ST8SIA6: variants seen among roughly 807,000 people sequenced by gnomAD.
The protein encoded by ST8SIA6 is ST8 alpha-N-acetyl-neuraminide alpha-2,8-sialyltransferase 6.
ST8SIA6 carries 39 observed loss-of-function variants against 33.6 expected under a neutral mutation model. The observed-to-expected ratio is 1.16, with a 90% CI of 0.90 to 1.52. The LOEUF (loss-of-function observed/expected upper bound fraction) is 1.52. Among genes scored for constraint, ST8SIA6 ranks in the 40% most tolerant of loss-of-function variants. The pLI is 0.00. For missense variants in ST8SIA6, 441 were observed against 443.8 expected, an observed-to-expected ratio of 0.99 and a Z score of 0.06; for synonymous variants, 172 against 167.2, an observed-to-expected ratio of 1.03 and a Z score of -0.22.
intron 3 of ST8SIA6, among the ~76,000 whole-genome samples, chr10:17,362,310 A>G (rs1001466942): frequency 1.3e-5 from 2 of 152,224 alleles, no homozygotes; most frequent in Non-Finnish European, 2.9e-5. Flanking sequence ...GTTGAAGTTC[A>G]TTGAACATTA....
intron 2 of ST8SIA6, among the ~76,000 whole-genome samples, chr10:17,448,895 C>G (rs1376481267): frequency 6.7e-6 from 1 of 150,358 alleles, no homozygotes; most frequent in East Asian, 2.0e-4. Context: ...GCTGGGATTA[C>G]AGGCGTGAGC....
intron 2 of ST8SIA6, 101 bp from the exon 3 acceptor site, chr10:17,390,721 G>T: frequency 1.1e-6 from 1 of 907,698 alleles, no homozygotes; most frequent in Admixed American, 2.3e-5. Context: ...GTGTCCAAAT[G>T]AAGTCTCATC....
At chr10:17,443,914 A>G (rs568895118) in intron 2 of ST8SIA6, among the ~76,000 whole-genome samples, 11 of 152,200 alleles carry the variant, frequency 7.2e-5, no homozygotes, top group Non-Finnish European at 1.5e-4. Flanking sequence ...TCGCACCCTT[A>G]GATCACAGAA....
At chr10:17,451,734 C>T (rs896079382) in intron 2 of ST8SIA6, among the ~76,000 whole-genome samples, 1 of 152,152 alleles carries the variant, frequency 6.6e-6, no homozygotes, top group South Asian at 2.1e-4. Flanking sequence ...TACAATTTCT[C>T]TATACAACCA....
chr10:17,334,395 C>T (rs12268593), intron 4 of ST8SIA6, among the ~76,000 whole-genome samples: 3,092 of 151,510 alleles, frequency 0.02, 66 homozygotes, highest in East Asian at 0.085. Context: ...AAAAGTTAGC[C>T]GGGCACGGTG....
intron 2 of ST8SIA6, among the ~76,000 whole-genome samples, chr10:17,421,855 C>T (rs1851789347): frequency 6.6e-6 from 1 of 152,218 alleles, no homozygotes; most frequent in South Asian, 2.1e-4. Context: ...GCAGGTGCCA[C>T]TGTGCCCGGC....
At chr10:17,434,917 G>T (rs1054258835) in intron 2 of ST8SIA6, among the ~76,000 whole-genome samples, 4 of 152,120 alleles carry the variant, frequency 2.6e-5, no homozygotes, top group African/African-American at 9.7e-5. Context: ...TTTAAGGCTG[G>T]GCACAGACTC....
chr10:17,321,352 A>G lies in ST8SIA6; in HGVS notation c.729-6T>C, dbSNP rs1250626129. On this transcript the variant is annotated splice_polypyrimidine_tract_variant and splice_region_variant and intron_variant, in intron 7 of 7. Transcript: ENST00000377602. Reference sequence around the variant, plus strand: ...TTTCCTTTAAGTTCCCATATCTGCCAAATTAAAAAAAAATTATAGTAATCC... The same window carrying G: ...TTTCCTTTAAGTTCCCATATCTGCCGAATTAAAAAAAAATTATAGTAATCC... 1 of 1,573,240 alleles carries G rather than the reference A, an allele frequency of 6.4e-7. No homozygotes were observed. Among genetic ancestry groups the G allele is most frequent in the Non-Finnish European group, 8.6e-7 (1 of 1,166,044 alleles).
chr10:17,352,156 A>G lies in ST8SIA6; in HGVS notation c.377+7358T>C, dbSNP rs561750721. Among the ~76,000 whole-genome samples the G allele has an allele frequency of 7.9e-5, 12 of 152,336 alleles. No homozygotes were observed. The South Asian group carries it at 2.5e-3, about 32-fold the overall frequency. ...ACACCATATTTTATTCCATAAATAG[A>G]TACAATATTCATCAATTAAAAATAA... is the stretch of plus-strand genomic sequence containing the variant. On this transcript the variant is annotated intron_variant, in intron 4 of 7. Transcript: ENST00000377602.
chr10:17,423,043 A>G (rs1851826639), intron 2 of ST8SIA6, among the ~76,000 whole-genome samples: 1 of 152,236 alleles, frequency 6.6e-6, no homozygotes, highest in Admixed American at 6.5e-5. Context: ...TTAATAGAAT[A>G]GTACTGCCAT....
intron 4 of ST8SIA6, among the ~76,000 whole-genome samples, chr10:17,338,746 T>C (rs1445275134): frequency 1.3e-5 from 2 of 152,166 alleles, no homozygotes; most frequent in African/African-American, 4.8e-5. Flanking sequence ...CTAAAATAAA[T>C]TGAAAAGAAG....
At chr10:17,384,123 C>T (rs1564435122) in intron 3 of ST8SIA6, among the ~76,000 whole-genome samples, 2 of 152,156 alleles carry the variant, frequency 1.3e-5, no homozygotes, top group African/African-American at 4.8e-5. Context: ...ACTTGACTTA[C>T]GGAGCCAATA....
At position 17,315,643 on chromosome 10, in the gene ST8SIA6, C is replaced by A. The variant is rs1847748927; in HGVS notation, c.*5235G>T. 6.6e-6 allele frequency among the ~76,000 whole-genome samples: 1 copy of A among 151,710 alleles called. No individual in the cohort carries two copies. The highest frequency in any genetic ancestry group is 1.5e-5 in the Non-Finnish European group (1 of 67,838). ...AGAAATGAGTACAGACAGTAAGATT[C>A]CATTTATATAAAATTCTAAAAAATG... On this transcript the variant is annotated 3_prime_UTR_variant, in exon 8 of 8. Transcript: ENST00000377602.
intron 3 of ST8SIA6, 94 bp downstream of exon 3, chr10:17,390,437 C>A: frequency 1.8e-6 from 2 of 1,084,384 alleles, no homozygotes; most frequent in Non-Finnish European, 2.8e-6. Flanking sequence ...AGTGAACAGT[C>A]TCATATTCCA....
chr10:17,416,036 G>A (rs1312031391), intron 2 of ST8SIA6, among the ~76,000 whole-genome samples: 2 of 151,818 alleles, frequency 1.3e-5, no homozygotes, highest in African/African-American at 4.8e-5. Context: ...TTGAACTCCT[G>A]ACCTCAAGTG....
In ST8SIA6 at chr10:17,321,478, G is replaced by C. The variant is rs9651530; in HGVS notation, c.729-132C>G. On this transcript the variant is annotated intron_variant, in intron 7 of 7. Transcript: ENST00000377602. ...GTATACTGTATATAAAACAGATAAAGTGTGGACTCAGAGAAAACTCATTCA... is the reference window on the plus strand; with the variant it reads ...GTATACTGTATATAAAACAGATAAACTGTGGACTCAGAGAAAACTCATTCA... The C allele has an allele frequency of 0.34, 233,560 of 685,072 alleles. 44,262 individuals are homozygous for C. Among genetic ancestry groups the C allele is most frequent in the African/African-American group, 0.64 (35,384 of 55,428 alleles). The allele number at this position is 685,072 out of a possible 1,614,324, so 42.4% of individuals were successfully genotyped here. A position where few individuals can be genotyped will look rare whatever the true frequency, so the allele number is the denominator to read the frequency against.
chr10:17,390,649 A>T (rs748694565), intron 2 of ST8SIA6, 29 bp from the exon 3 acceptor site: 12 of 1,567,724 alleles, frequency 7.7e-6, no homozygotes, highest in African/African-American at 5.4e-5. Flanking sequence ...TTTTAAAAAG[A>T]TTGATTTAAA....
intron 2 of ST8SIA6, among the ~76,000 whole-genome samples, chr10:17,407,123 C>T (rs1851293514): frequency 6.6e-6 from 1 of 152,118 alleles, no homozygotes; most frequent in Non-Finnish European, 1.5e-5. Flanking sequence ...TTGCTTGCAC[C>T]TTGTTGATTT....
chr10:17,442,103 G>A (rs556592684), intron 2 of ST8SIA6, among the ~76,000 whole-genome samples: 37 of 151,922 alleles, frequency 2.4e-4, no homozygotes, highest in Admixed American at 2.4e-3. Flanking sequence ...TCCTGACCTC[G>A]TGATCCACCT....
Sources: allele counts gnomAD v4.1 joint callset (sites outside exome capture counted in the v4.1 genomes callset), GRCh38; gene constraint gnomAD v4.1.1; transcripts MANE v1.5; gene names NCBI Gene and HGNC (gene_info 2026-07-23, HGNC 2026-07-21).